Variants in LANCL1 observed in about 807,000 individuals in gnomAD.
LANCL1 encodes the protein LanC like glutathione S-transferase 1.
In LANCL1, 50 loss-of-function variants were observed where a neutral mutation model predicts 50.6. The observed-to-expected ratio is 0.99, with a 90% CI of 0.79 to 1.25. The LOEUF is 1.25. Among genes scored for constraint, LANCL1 ranks in the 50% most tolerant of loss-of-function variants. The pLI is 0.00. For missense variants in LANCL1, 532 were observed against 480.7 expected (o/e 1.11, Z -1.00); for synonymous variants, 188 against 178.6 (o/e 1.05, Z -0.42).
At chr2:210,473,267 C>G (rs991008705) in intron 2 of LANCL1, among the ~76,000 whole-genome samples, 1 of 152,096 alleles carries the variant, frequency 6.6e-6, no homozygotes. Flanking sequence ...CCCAGCTATT[C>G]GGAAGCCTGA....
chr2:210,436,373 T>C lies in LANCL1; in HGVS notation c.893A>G (p.Tyr298Cys). The C allele has an allele frequency of 6.2e-7, 1 of 1,613,962 alleles. No individual in the cohort carries two copies. Among genetic ancestry groups the C allele is most frequent in the Non-Finnish European group, 8.5e-7 (1 of 1,179,896 alleles). The change falls in exon 8 of 10, where the codon TAT (tyrosine) becomes TGT (cysteine). Residue 298 changes from tyrosine to cysteine, a missense_variant. Physicochemically the swap from Tyr to Cys is radical, Grantham distance 194 (BLOSUM62 -2). Transcript: ENST00000450366. ...QAYKVFREEK[Y>C]LCDAYQCADV... Reference sequence around the variant, plus strand: ...AGCACACTGATAGGCATCACAGAGATACTTTTCCTCTCTGAATACCTGCAG... The same window carrying C: ...AGCACACTGATAGGCATCACAGAGACACTTTTCCTCTCTGAATACCTGCAG...
intron 4 of LANCL1, among the ~76,000 whole-genome samples, chr2:210,453,911 G>A (rs1360447226): frequency 6.6e-6 from 1 of 152,040 alleles, no homozygotes; most frequent in Non-Finnish European, 1.5e-5. Context: ...TATATTAAAA[G>A]CTTCTCAGCT....
intron 4 of LANCL1, among the ~76,000 whole-genome samples, chr2:210,453,360 T>G (rs1693567149): frequency 6.6e-6 from 1 of 152,142 alleles, no homozygotes; most frequent in Non-Finnish European, 1.5e-5. Context: ...AGAAGAGGGT[T>G]GTATAGGTGA....
chr2:210,461,743 T>C (rs1376362748), intron 3 of LANCL1, among the ~76,000 whole-genome samples: 5 of 110,460 alleles, frequency 4.5e-5, no homozygotes, highest in Non-Finnish European at 9.7e-5. Flanking sequence ...TAGAGTCCTG[T>C]ATGTATTTTT....
chr2:210,441,586 G>A (rs1024576030), intron 4 of LANCL1, 143 bp from the exon 5 acceptor site: 7 of 599,190 alleles, frequency 1.2e-5, no homozygotes, highest in African/African-American at 3.7e-5. Context: ...GAACAGTCAC[G>A]GTTCACAGAT....
At chr2:210,474,890 C>T (rs750083228) in intron 2 of LANCL1, among the ~76,000 whole-genome samples, 50 of 152,136 alleles carry the variant, frequency 3.3e-4, no homozygotes, top group Non-Finnish European at 6.9e-4. Flanking sequence ...AGCAAGTCCT[C>T]CTCCCGCAAG....
At chr2:210,460,178 T>G (rs147092538) in intron 3 of LANCL1, among the ~76,000 whole-genome samples, 1 of 152,192 alleles carries the variant, frequency 6.6e-6, no homozygotes, top group African/African-American at 2.4e-5. Flanking sequence ...TACGACCAGC[T>G]TACAGTGATG....
chr2:210,441,531 A>T, intron 4 of LANCL1, 88 bp from the exon 5 acceptor site: 1 of 1,047,178 alleles, frequency 9.5e-7, no homozygotes, highest in Non-Finnish European at 1.4e-6. Flanking sequence ...AAAAATATAC[A>T]TGCACACAAA....
chr2:210,457,669 TTA>T (rs1255483025), intron 3 of LANCL1, among the ~76,000 whole-genome samples: 1 of 152,206 alleles, frequency 6.6e-6, no homozygotes, highest in African/African-American at 2.4e-5. Flanking sequence ...GTCCTCTGGT[TTA>T]CTGTGTTCCT....
At chr2:210,464,233 T>G (rs991897649) in intron 3 of LANCL1, among the ~76,000 whole-genome samples, 6 of 152,192 alleles carry the variant, frequency 3.9e-5, no homozygotes, top group African/African-American at 1.4e-4. Context: ...TACTGGGGAA[T>G]GAAACAACAA....
intron 3 of LANCL1, among the ~76,000 whole-genome samples, chr2:210,455,908 T>A (rs1232680022): frequency 6.6e-6 from 1 of 151,694 alleles, no homozygotes; most frequent in Non-Finnish European, 1.5e-5. Flanking sequence ...ATTTGATAGC[T>A]GAGAAAAAAT....
intron 5 of LANCL1, among the ~76,000 whole-genome samples, 158 bp from the exon 6 acceptor site, chr2:210,440,902 T>A (rs1310910311): frequency 6.6e-6 from 1 of 152,150 alleles, no homozygotes; most frequent in Non-Finnish European, 1.5e-5. Context: ...ATCAGAGAAG[T>A]GTGTGGGACT....
At position 210,431,949 on chromosome 2, in the gene LANCL1, G is replaced by A. The variant is rs559407030; in HGVS notation, c.*2538C>T. ...ACAGGATAAATGAACACTGCTTGAT[G>A]ACCTTTGACAACCTTTGAAGGTTTT... On this transcript the variant is annotated 3_prime_UTR_variant, in exon 10 of 10. Transcript: ENST00000450366. 5.9e-5 allele frequency: 9 copies of A among 152,320 alleles called. No individual in the cohort carries two copies. Among genetic ancestry groups the A allele is most frequent in the Middle Eastern group, 3.4e-3 (1 of 294 alleles). The allele number at this position is 152,320 out of a possible 1,614,324, so 9.4% of individuals were successfully genotyped here. A position where few individuals can be genotyped will look rare whatever the true frequency, so the allele number is the denominator to read the frequency against.
At chr2:210,441,275 A>G (rs1693122568) in intron 5 of LANCL1, 33 bp downstream of exon 5, 2 of 1,598,518 alleles carry the variant, frequency 1.3e-6, no homozygotes, top group Non-Finnish European at 1.7e-6. Context: ...ATGGGATCCT[A>G]AAAAGGCTCC....
chr2:210,452,877 C>T lies in LANCL1; in HGVS notation c.407+2230G>A, dbSNP rs536406991. 4.6e-5 allele frequency among the ~76,000 whole-genome samples: 7 copies of T among 151,874 alleles called. No individual in the cohort carries two copies. The East Asian group carries it at 5.8e-4, about 13-fold the overall frequency. On this transcript the variant is annotated intron_variant, in intron 4 of 9. Transcript: ENST00000450366. Reference sequence around the variant, plus strand: ...AAAGGCAGTACACAGAGAATGTGAGCGTGGGATCTCAAAAGGTCTGTAAAA... The same window carrying T: ...AAAGGCAGTACACAGAGAATGTGAGTGTGGGATCTCAAAAGGTCTGTAAAA...
chr2:210,445,506 A>G lies in LANCL1; in HGVS notation c.408-4063T>C, dbSNP rs143933409. On this transcript the variant is annotated intron_variant, in intron 4 of 9. Transcript: ENST00000450366. ...CCCTTTTTTTCTGGATTTGAATTCA[A>G]ATCACTAAAATTCATTAGTTGGGTT... is the stretch of plus-strand genomic sequence containing the variant. Among the ~76,000 whole-genome samples the G allele has an allele frequency of 2.2e-3, 334 of 152,340 alleles. 3 individuals carry two copies. The highest frequency in any genetic ancestry group is 3.6e-3 in the Non-Finnish European group (245 of 68,028).
intron 4 of LANCL1, among the ~76,000 whole-genome samples, chr2:210,450,146 A>G (rs1459362645): frequency 6.6e-6 from 1 of 152,198 alleles, no homozygotes; most frequent in East Asian, 1.9e-4. Flanking sequence ...AAAAACAGAT[A>G]TATAGACCAA....
intron 4 of LANCL1, among the ~76,000 whole-genome samples, chr2:210,453,537 C>T (rs186377410): frequency 1.4e-4 from 21 of 152,156 alleles, no homozygotes; most frequent in Admixed American, 3.9e-4. Context: ...TCTCATTGAA[C>T]ACATTAACAT....
chr2:210,476,204 G>T, intron 2 of LANCL1, 112 bp downstream of exon 2: 1 of 596,236 alleles, frequency 1.7e-6, no homozygotes, highest in South Asian at 2.4e-5. Flanking sequence ...ATTTATCGTC[G>T]AATCATGTAT....
Sources: allele counts gnomAD v4.1 joint callset (sites outside exome capture counted in the v4.1 genomes callset), GRCh38; gene constraint gnomAD v4.1.1; transcripts MANE v1.5; gene names NCBI Gene and HGNC (gene_info 2026-07-23, HGNC 2026-07-21).